Variants in RB1CC1 observed in about 807,000 individuals in gnomAD.
RB1CC1 encodes RB1 inducible coiled-coil 1.
A neutral mutation model predicts 177.5 loss-of-function variants in RB1CC1; 46 were observed. The observed-to-expected ratio is 0.26, with a 90% CI of 0.20 to 0.33. The LOEUF (loss-of-function observed/expected upper bound fraction) is 0.33. Ranked by LOEUF, RB1CC1 falls within the 10% of genes least tolerant of loss-of-function variation. The pLI, the probability that RB1CC1 is intolerant of heterozygous loss-of-function variation, is 1.00. For missense variants in RB1CC1, 1,703 were observed against 1,816.3 expected, an observed-to-expected ratio of 0.94 and a Z score of 1.13; for synonymous variants, 666 against 613.6, an observed-to-expected ratio of 1.09 and a Z score of -1.26.
chr8:52,672,726 C>T (rs574897851), intron 7 of RB1CC1, among the ~76,000 whole-genome samples: 34 of 152,152 alleles, frequency 2.2e-4, no homozygotes, highest in Non-Finnish European at 2.9e-4. Context: ...GCCTGGGCGA[C>T]AGAGTGAGAC....
In RB1CC1 at chr8:52,656,340, G is replaced by A. The variant is rs750400751; in HGVS notation, c.3489C>T (p.Asn1163=). Residue 1163 remains asparagine, a synonymous_variant, in exon 15 of 24, where the codon AAC becomes AAT. Coordinates refer to ENST00000025008, the MANE Select transcript of RB1CC1 (RefSeq NM_014781.5). ...AELNKVTSLH[N]QAFEIEKNLK... Reference sequence around the variant, plus strand: ...GGTTTTTTTCTATTTCAAATGCTTGGTTATGCAAAGATGTTACTTTGTTTA... The same window carrying A: ...GGTTTTTTTCTATTTCAAATGCTTGATTATGCAAAGATGTTACTTTGTTTA... 1 of 1,612,080 alleles carries A rather than the reference G, an allele frequency of 6.2e-7. No homozygotes were observed. Among genetic ancestry groups the A allele is most frequent in the South Asian group, 1.1e-5 (1 of 90,966 alleles).
chr8:52,672,420 G>A (rs1337686190), intron 7 of RB1CC1, among the ~76,000 whole-genome samples: 1 of 152,158 alleles, frequency 6.6e-6, no homozygotes, highest in East Asian at 1.9e-4. Flanking sequence ...ATATAACTCT[G>A]TTTTGACATC....
intron 20 of RB1CC1, among the ~76,000 whole-genome samples, chr8:52,632,615 T>C (rs928219749): frequency 3.9e-5 from 6 of 152,168 alleles, no homozygotes; most frequent in African/African-American, 1.4e-4. Flanking sequence ...AAAGTGTGAT[T>C]TACATTTGGA....
rs746611732 is a variant in RB1CC1, at chr8:52,683,874, C to T, written c.198+13G>A. The T allele has an allele frequency of 3.7e-6, 6 of 1,611,234 alleles. No homozygotes were observed. The South Asian group carries it at 6.6e-5, about 18-fold the overall frequency. ...TGTTGCATTCTTGTGTGAAAGGACTCTTGAATACCTACCGTCCCAGCACTG... is the reference window on the plus strand; with the variant it reads ...TGTTGCATTCTTGTGTGAAAGGACTTTTGAATACCTACCGTCCCAGCACTG... On this transcript the variant is annotated intron_variant, in intron 4 of 23. Transcript: ENST00000025008.
intron 1 of RB1CC1, among the ~76,000 whole-genome samples, chr8:52,713,718 C>A (rs1398870557): frequency 2.0e-5 from 3 of 152,348 alleles, no homozygotes; most frequent in East Asian, 1.9e-4. Context: ...TCGGCCACTC[C>A]GGCAACTAGG....
intron 1 of RB1CC1, among the ~76,000 whole-genome samples, chr8:52,706,008 C>A (rs578181325): frequency 6.6e-6 from 1 of 152,208 alleles, no homozygotes; most frequent in African/African-American, 2.4e-5. Context: ...TATGTATATG[C>A]AAGCACTTAA....
At chr8:52,654,973 A>T (rs550785170) in intron 15 of RB1CC1, among the ~76,000 whole-genome samples, 4 of 152,224 alleles carry the variant, frequency 2.6e-5, no homozygotes, top group African/African-American at 9.6e-5. Flanking sequence ...TATTTTCCAT[A>T]CTGCAATAGT....
At chr8:52,681,498 G>A (rs1394737894) in intron 5 of RB1CC1, among the ~76,000 whole-genome samples, 1 of 152,126 alleles carries the variant, frequency 6.6e-6, no homozygotes, top group Non-Finnish European at 1.5e-5. Flanking sequence ...CCACATCCCG[G>A]ACCATGAAGA....
intron 18 of RB1CC1, among the ~76,000 whole-genome samples, chr8:52,639,637 C>A (rs114971995): frequency 6.6e-6 from 1 of 152,162 alleles, no homozygotes; most frequent in Non-Finnish European, 1.5e-5. Context: ...TTCCCATCTA[C>A]TCCTAGTTTG....
At chr8:52,631,975 A>G (rs745611203) in intron 20 of RB1CC1, among the ~76,000 whole-genome samples, 17 of 152,210 alleles carry the variant, frequency 1.1e-4, no homozygotes, top group South Asian at 4.1e-4. Flanking sequence ...TCTCATCTTC[A>G]ATGAAACTTC....
At chr8:52,648,417 G>A (rs1191161309) in intron 15 of RB1CC1, among the ~76,000 whole-genome samples, 1 of 152,090 alleles carries the variant, frequency 6.6e-6, no homozygotes, top group African/African-American at 2.4e-5. Context: ...TGCTATCAGG[G>A]GAATTAACCC....
intron 5 of RB1CC1, among the ~76,000 whole-genome samples, chr8:52,681,024 C>G (rs914245334): frequency 5.5e-5 from 8 of 144,704 alleles, no homozygotes; most frequent in Admixed American, 2.8e-4. Context: ...TGAAGTCTCA[C>G]TCTGTCACAC....
At chr8:52,684,514 T>C (rs112872228) in intron 3 of RB1CC1, among the ~76,000 whole-genome samples, 26 of 152,326 alleles carry the variant, frequency 1.7e-4, no homozygotes, top group East Asian at 7.7e-4. Flanking sequence ...GCTATTATGG[T>C]CACTATAAAA....
chr8:52,657,321 T>C lies in RB1CC1; in HGVS notation c.2508A>G (p.Ser836=). 1 of 1,613,078 alleles carries C rather than the reference T, an allele frequency of 6.2e-7. No individual in the cohort carries two copies. Among genetic ancestry groups the C allele is most frequent in the Non-Finnish European group, 8.5e-7 (1 of 1,179,122 alleles). ...TTATTTCTACTGCTGTACATTTTAA[T>C]GAATTTGAGAAGTCACACTGTTCTT... ...VQKEQCDFSN[S]LKCTAVEIRN... The change falls in exon 15 of 24, where the codon TCA becomes TCG. Residue 836 remains serine (S), a synonymous_variant. Coordinates refer to ENST00000025008, the MANE Select transcript of RB1CC1 (RefSeq NM_014781.5).
At chr8:52,662,169 C>T (rs770397712) in intron 8 of RB1CC1, among the ~76,000 whole-genome samples, 9 of 151,972 alleles carry the variant, frequency 5.9e-5, no homozygotes, top group Admixed American at 6.6e-5. Flanking sequence ...AAATATTTAT[C>T]GAAAAGTCAC....
chr8:52,710,168 G>T (rs1053041841), intron 1 of RB1CC1, among the ~76,000 whole-genome samples: 20 of 152,200 alleles, frequency 1.3e-4, no homozygotes, highest in African/African-American at 4.8e-4. Context: ...CAAATCAGAT[G>T]TATTCTAATC....
intron 18 of RB1CC1, among the ~76,000 whole-genome samples, chr8:52,636,879 C>T (rs1849186097): frequency 6.6e-6 from 1 of 152,188 alleles, no homozygotes; most frequent in Admixed American, 6.6e-5. Context: ...GCACCTTTAA[C>T]CAAAATGCAA....
chr8:52,703,348 T>A (rs910830011), intron 1 of RB1CC1, among the ~76,000 whole-genome samples: 9 of 152,134 alleles, frequency 5.9e-5, no homozygotes, highest in African/African-American at 1.4e-4. Context: ...AACTACATAA[T>A]CTTAGATTCT....
At chr8:52,660,493 A>C (rs1851516270) in intron 12 of RB1CC1, 103 bp downstream of exon 12, 1 of 1,119,606 alleles carries the variant, frequency 8.9e-7, no homozygotes, top group Admixed American at 2.7e-5. Flanking sequence ...GATTTTTTTT[A>C]AACCACAACA....
Sources: allele counts gnomAD v4.1 joint callset (sites outside exome capture counted in the v4.1 genomes callset), GRCh38; gene constraint gnomAD v4.1.1; transcripts MANE v1.5; gene names NCBI Gene and HGNC (gene_info 2026-07-23, HGNC 2026-07-21).